The following SGO2 variants were observed in gnomAD, a reference collection of about 807,000 sequenced individuals.
The protein encoded by SGO2 is shugoshin-like 2.
Under a neutral mutation model 99.5 loss-of-function variants are expected in SGO2, and 68 were observed. The observed-to-expected ratio is 0.68, with a 90% CI of 0.56 to 0.84. The LOEUF is 0.84. SGO2 is among the 40% of genes least tolerant of loss of function. The pLI is 0.00. For synonymous variants in SGO2, 457 were observed against 487.1 expected (o/e 0.94, Z 0.81); for missense variants, 1,350 against 1,436.7 (o/e 0.94, Z 0.97).
At position 200,534,523 on chromosome 2, in the gene SGO2, A is replaced by G. The variant is rs185694143; in HGVS notation, c.134-473A>G. ...AAGTTTAAAAATGGGCGTTGGGAGT[A>G]TTAAGTAATTTGTTCAGTTCTGGAG... On this transcript the variant is annotated intron_variant, in intron 2 of 8. Transcript: ENST00000357799. Among the ~76,000 whole-genome samples the G allele has an allele frequency of 5.1e-3, 783 of 152,264 alleles. 6 individuals are homozygous for G. The highest frequency in any genetic ancestry group is 0.018 in the African/African-American group (755 of 41,552).
intron 5 of SGO2, among the ~76,000 whole-genome samples, chr2:200,564,801 T>C (rs2033121513): frequency 6.6e-6 from 1 of 152,222 alleles, no homozygotes; most frequent in Non-Finnish European, 1.5e-5. Flanking sequence ...AATTGATCCC[T>C]TTACCATTAT....
At chr2:200,574,729 T>C (rs1308602125) in intron 7 of SGO2, among the ~76,000 whole-genome samples, 1 of 152,050 alleles carries the variant, frequency 6.6e-6, no homozygotes, top group Non-Finnish European at 1.5e-5. Context: ...AAAAATCACC[T>C]GGGAGAACTT....
chr2:200,562,829 A>G lies in SGO2; in HGVS notation c.474-6834A>G, dbSNP rs569144959. On this transcript the variant is annotated intron_variant, in intron 5 of 8. Transcript: ENST00000357799. ...ATTCTCTTTGAAGCAATTGTGAATCATGAGTTCACTCATGATTTGGCTCTC... is the reference window on the plus strand; with the variant it reads ...ATTCTCTTTGAAGCAATTGTGAATCGTGAGTTCACTCATGATTTGGCTCTC... Among the ~76,000 whole-genome samples the G allele has an allele frequency of 1.5e-3, 232 of 152,254 alleles. 1 individual carries two copies. Among genetic ancestry groups the G allele is most frequent in the African/African-American group, 5.2e-3 (218 of 41,564 alleles).
At chr2:200,580,629 G>A (rs574823686) in intron 8 of SGO2, 2 of 282,778 alleles carry the variant, frequency 7.1e-6, no homozygotes, top group Non-Finnish European at 6.9e-6. Flanking sequence ...CCCAAGAGTC[G>A]GAGACCAGCC....
At chr2:200,534,454 A>G (rs2031589263) in intron 2 of SGO2, among the ~76,000 whole-genome samples, 1 of 152,214 alleles carries the variant, frequency 6.6e-6, no homozygotes, top group Non-Finnish European at 1.5e-5. Context: ...CGTGGGGTTT[A>G]GATTATCTAT....
At chr2:200,564,970 G>T (rs1340237701) in intron 5 of SGO2, among the ~76,000 whole-genome samples, 1 of 152,114 alleles carries the variant, frequency 6.6e-6, no homozygotes, top group African/African-American at 2.4e-5. Flanking sequence ...CACATGAGAT[G>T]GGTCTCCTGA....
chr2:200,558,968 A>G (rs2032833535), intron 5 of SGO2, among the ~76,000 whole-genome samples: 1 of 151,968 alleles, frequency 6.6e-6, no homozygotes, highest in Admixed American at 6.6e-5. Context: ...GCGCCCAGCT[A>G]AATTTTGTAT....
chr2:200,538,920 GT>G (rs2031827597), intron 4 of SGO2, among the ~76,000 whole-genome samples: 1 of 151,732 alleles, frequency 6.6e-6, no homozygotes, highest in African/African-American at 2.4e-5. Flanking sequence ...TCTATTGTTA[GT>G]TATAAGTGAG....
intron 8 of SGO2, chr2:200,576,160 C>T: frequency 3.2e-6 from 1 of 308,998 alleles, no homozygotes; most frequent in South Asian, 2.6e-5. Flanking sequence ...CAGCAGATGG[C>T]AGTAATATAA....
chr2:200,584,000 AC>A lies in SGO2; in HGVS notation c.*538del, dbSNP rs1350884100. 2.0e-5 allele frequency among the ~76,000 whole-genome samples: 3 copies of A among 152,200 alleles called. No homozygotes were observed. The highest frequency in any genetic ancestry group is 4.4e-5 in the Non-Finnish European group (3 of 68,044). ...TCTGATGACTTAGAGGAGGAGATTA[AC>A]CTTTCAGGCTCTTTTGAATTTGGTT... On this transcript the variant is annotated 3_prime_UTR_variant, in exon 9 of 9. Transcript: ENST00000357799.
At chr2:200,575,189 C>T (rs767726715) in intron 7 of SGO2, 122 bp from the exon 8 acceptor site, 14 of 505,616 alleles carry the variant, frequency 2.8e-5, no homozygotes, top group Non-Finnish European at 4.2e-5. Context: ...TCTCTTTCCT[C>T]TCAAAATTGA....
At chr2:200,558,234 G>A (rs1477280911) in intron 5 of SGO2, among the ~76,000 whole-genome samples, 2 of 152,038 alleles carry the variant, frequency 1.3e-5, no homozygotes, top group Non-Finnish European at 2.9e-5. Flanking sequence ...ATTAAATATT[G>A]TATTCCTGTT....
intron 5 of SGO2, among the ~76,000 whole-genome samples, chr2:200,547,781 C>G (rs533187559): frequency 1.3e-5 from 2 of 151,978 alleles, no homozygotes; most frequent in South Asian, 2.1e-4. Flanking sequence ...TGCAAAGACA[C>G]ATATAGACAA....
Position 200,573,813 on chromosome 2 carries a change from G to T in SGO2, c.3467G>T (p.Arg1156Leu), listed in dbSNP as rs371539494. The change falls in exon 7 of 9, where the codon CGT (arginine) becomes CTT (leucine). Residue 1156 changes from arginine to leucine, a missense_variant. Transcript: ENST00000357799. ...CAAGATTCTTCCTTTGACAGTGTTC[G>T]TGAAGGTTTAGTACCTTTGAGCGTT... ...NIQDSSFDSV[R>L]EGLVPLSVSS... The T allele has an allele frequency of 3.1e-6, 5 of 1,612,784 alleles. No homozygotes were observed. Among genetic ancestry groups the T allele is most frequent in the Non-Finnish European group, 4.2e-6 (5 of 1,179,300 alleles).
intron 5 of SGO2, among the ~76,000 whole-genome samples, chr2:200,568,071 C>T (rs541691341): frequency 5.1e-4 from 78 of 152,294 alleles, no homozygotes; most frequent in African/African-American, 1.7e-3. Context: ...TTTACATTCC[C>T]GCCAGCACAG....
At chr2:200,530,818 A>T (rs893914896) in intron 1 of SGO2, among the ~76,000 whole-genome samples, 4 of 152,232 alleles carry the variant, frequency 2.6e-5, no homozygotes, top group Non-Finnish European at 4.4e-5. Context: ...AGCAGCACAG[A>T]AGTCATCAGA....
At chr2:200,566,180 G>T (rs2033179527) in intron 5 of SGO2, among the ~76,000 whole-genome samples, 1 of 152,130 alleles carries the variant, frequency 6.6e-6, no homozygotes. Flanking sequence ...TTCTGCTCTG[G>T]TTTCTCCCCA....
At chr2:200,532,270 TTG>T (rs1491298358) in intron 1 of SGO2, 5 of 434,806 alleles carry the variant, frequency 1.1e-5, no homozygotes, top group African/African-American at 1.1e-4. Flanking sequence ...ACAGAGTTTT[TTG>T]TTTTTTTTTT....
intron 5 of SGO2, among the ~76,000 whole-genome samples, chr2:200,545,757 A>G (rs1007971797): frequency 8.5e-5 from 13 of 152,094 alleles, no homozygotes; most frequent in African/African-American, 3.1e-4. Flanking sequence ...CAGTTTCTAT[A>G]CTGGAAAAAG....
Sources: allele counts gnomAD v4.1 joint callset (sites outside exome capture counted in the v4.1 genomes callset), GRCh38; gene constraint gnomAD v4.1.1; transcripts MANE v1.5; gene names NCBI Gene and HGNC (gene_info 2026-07-23, HGNC 2026-07-21).